Variants in PMS1 observed in about 807,000 individuals in gnomAD.
The protein encoded by PMS1 is PMS1 protein homolog 1.
PMS1 carries 79 observed loss-of-function variants against 93.1 expected under a neutral mutation model. That is an observed-to-expected ratio of 0.85 (90% CI 0.71 to 1.02). PMS1 has a LOEUF of 1.02. Ranked by LOEUF, PMS1 falls within the 50% of genes least tolerant of loss-of-function variation. The pLI is 0.00. For missense variants in PMS1, 1,064 were observed against 1,085.3 expected (o/e 0.98, Z 0.28); for synonymous variants, 335 against 363.4 (o/e 0.92, Z 0.89).
intron 5 of PMS1, among the ~76,000 whole-genome samples, chr2:189,832,905 G>C (rs1210730238): frequency 6.6e-6 from 1 of 151,920 alleles, no homozygotes; most frequent in Non-Finnish European, 1.5e-5. Flanking sequence ...ATTTTATTAT[G>C]TATTTTAAAT....
chr2:189,858,864 T>C (rs192574649), intron 9 of PMS1, among the ~76,000 whole-genome samples: 30 of 152,274 alleles, frequency 2.0e-4, no homozygotes, highest in African/African-American at 7.0e-4. Context: ...AACACTCTTA[T>C]TCAGGTAACA....
chr2:189,854,289 A>G lies in PMS1; in HGVS notation c.1017A>G (p.Pro339=), dbSNP rs569336571. ...LENLMTTCYG[P]LPSTNSYENN... is the part of the protein sequence containing the mutation. ...ATCTGATGACGACTTGTTATGGACC[A>G]TTACCTAGTACAAATTCTTATGAAA... is the stretch of plus-strand genomic sequence containing the variant. The change falls in exon 9 of 13, where the codon CCA becomes CCG. Residue 339 remains proline, a synonymous_variant. Coordinates refer to ENST00000441310, the MANE Select transcript of PMS1 (RefSeq NM_000534.5). The G allele has an allele frequency of 6.3e-7, 1 of 1,597,776 alleles. No homozygotes were observed. The highest frequency in any genetic ancestry group is 1.2e-5 in the South Asian group (1 of 86,908).
At chr2:189,827,774 A>G (rs1467099050) in intron 5 of PMS1, among the ~76,000 whole-genome samples, 1 of 152,178 alleles carries the variant, frequency 6.6e-6, no homozygotes, top group Non-Finnish European at 1.5e-5. Flanking sequence ...GATCTCACTT[A>G]TATGTGGAAT....
At position 189,852,606 on chromosome 2, in the gene PMS1, C is replaced by T. The variant is rs375506012; in HGVS notation, c.700-49C>T. 10 of 1,550,704 alleles carry T rather than the reference C, an allele frequency of 6.4e-6. No homozygotes were observed. The African/African-American group carries it at 1.4e-4, about 21-fold the overall frequency. On this transcript the variant is annotated intron_variant, in intron 6 of 12. Coordinates refer to ENST00000441310, the MANE Select transcript of PMS1 (RefSeq NM_000534.5). ...TTTCAAAGTGTTATATATAGCCAGA[C>T]CCGTGGAACTACATTGTTGACATTG...
At chr2:189,837,298 T>A (rs115831793) in intron 5 of PMS1, among the ~76,000 whole-genome samples, 2,469 of 152,042 alleles carry the variant, frequency 0.016, 57 homozygotes, top group African/African-American at 0.054. Context: ...GCTAATTTTT[T>A]ATTTTTTTTT....
At chr2:189,797,432 A>G (rs565368165) in intron 3 of PMS1, among the ~76,000 whole-genome samples, 1 of 152,024 alleles carries the variant, frequency 6.6e-6, no homozygotes, top group Non-Finnish European at 1.5e-5. Context: ...TGATCTCTTC[A>G]TTTCTGTTAT....
intron 6 of PMS1, among the ~76,000 whole-genome samples, chr2:189,852,255 A>G (rs896888658): frequency 8.5e-5 from 13 of 152,170 alleles, no homozygotes; most frequent in African/African-American, 3.1e-4. Context: ...ACTTCTTTAT[A>G]GGAAAAGATG....
chr2:189,861,388 A>G (rs1173274011), intron 9 of PMS1, among the ~76,000 whole-genome samples: 2 of 134,580 alleles, frequency 1.5e-5, no homozygotes, highest in African/African-American at 6.1e-5. Context: ...TTTCATCTTC[A>G]TTTTTGAAGG....
In PMS1 at chr2:189,836,125, C is replaced by T. The variant is rs181007019; in HGVS notation, c.583-7839C>T. 7.2e-4 allele frequency among the ~76,000 whole-genome samples: 109 copies of T among 152,254 alleles called. 2 individuals are homozygous for T. Among genetic ancestry groups the T allele is most frequent in the Non-Finnish European group, 2.4e-4 (16 of 68,016 alleles). On this transcript the variant is annotated intron_variant, in intron 5 of 12. Coordinates refer to ENST00000441310, the MANE Select transcript of PMS1 (RefSeq NM_000534.5). ...TTAACTATGCATCATCTGTGTGCAGCCTACATTTCTCTTTATCACAAATTG... is the reference window on the plus strand; with the variant it reads ...TTAACTATGCATCATCTGTGTGCAGTCTACATTTCTCTTTATCACAAATTG...
chr2:189,875,017 G>T (rs2057441576), intron 12 of PMS1, among the ~76,000 whole-genome samples: 1 of 151,136 alleles, frequency 6.6e-6, no homozygotes, highest in African/African-American at 2.4e-5. Flanking sequence ...TAAGTGTTAA[G>T]AAAAATGGGC....
chr2:189,868,644 A>T (rs751329168), intron 11 of PMS1, among the ~76,000 whole-genome samples: 8 of 152,208 alleles, frequency 5.3e-5, no homozygotes, highest in Admixed American at 1.3e-4. Flanking sequence ...TAAACTTGTC[A>T]TGCCCAAAGT....
intron 3 of PMS1, among the ~76,000 whole-genome samples, chr2:189,802,815 G>T (rs762247131): frequency 6.6e-6 from 1 of 152,266 alleles, no homozygotes; most frequent in Non-Finnish European, 1.5e-5. Flanking sequence ...ATTTTTTATA[G>T]CTGTGATGGA....
intron 5 of PMS1, among the ~76,000 whole-genome samples, chr2:189,835,937 T>G (rs1575196587): frequency 1.3e-5 from 2 of 148,658 alleles, no homozygotes; most frequent in African/African-American, 2.5e-5. Flanking sequence ...AATTCATTGG[T>G]GCTGCTTCTT....
chr2:189,809,850 C>T (rs1016677641), intron 4 of PMS1, among the ~76,000 whole-genome samples: 4 of 152,140 alleles, frequency 2.6e-5, no homozygotes, highest in African/African-American at 9.7e-5. Context: ...TGATAATTCT[C>T]ATTTTACTTT....
chr2:189,869,527 A>G (rs191999192), intron 11 of PMS1, among the ~76,000 whole-genome samples: 1 of 152,260 alleles, frequency 6.6e-6, no homozygotes, highest in African/African-American at 2.4e-5. Context: ...CATGAAAGAT[A>G]TTAAACAGGC....
intron 10 of PMS1, among the ~76,000 whole-genome samples, chr2:189,865,819 T>C (rs990555867): frequency 6.6e-6 from 1 of 152,066 alleles, no homozygotes; most frequent in African/African-American, 2.4e-5. Flanking sequence ...AAACCTGAAG[T>C]TTAAAAAGAT....
chr2:189,852,696 CTCTT>C lies in PMS1; in HGVS notation c.744_747del (p.Phe249LeufsTer13). ...TTCTTCCAAAGTGTGATGCAGACCA[CTCTT>C]TCACTAGTCTTTCAACACCAGAAAG... On this transcript the variant is annotated frameshift_variant, in exon 7 of 13. Coordinates refer to ENST00000441310, the MANE Select transcript of PMS1 (RefSeq NM_000534.5). LOFTEE classifies it high-confidence loss of function. The C allele has an allele frequency of 6.3e-7, 1 of 1,593,230 alleles. No individual in the cohort carries two copies. Among genetic ancestry groups the C allele is most frequent in the Non-Finnish European group, 8.6e-7 (1 of 1,161,338 alleles).
Position 189,861,747 on chromosome 2 carries a change from C to CA in PMS1, c.1857-1981dup, listed in dbSNP as rs60765447. ...CCTGGGAGACAGAGAGACTCTGTCT[C>CA]AAAAAAAAAAAAAAAGATTTCACTG... is the stretch of plus-strand genomic sequence containing the variant. On this transcript the variant is annotated intron_variant, in intron 9 of 12. Transcript: ENST00000441310. Among the ~76,000 whole-genome samples the CA allele has an allele frequency of 2.2e-3, 248 of 114,992 alleles. 1 individual carries two copies. Among genetic ancestry groups the CA allele is most frequent in the Middle Eastern group, 0.02 (4 of 196 alleles). 75.4% of individuals were successfully genotyped at this position (114,992 alleles called of 152,430 possible).
At chr2:189,858,642 G>A (rs958858567) in intron 9 of PMS1, among the ~76,000 whole-genome samples, 3 of 152,006 alleles carry the variant, frequency 2.0e-5, no homozygotes, top group Non-Finnish European at 4.4e-5. Flanking sequence ...CCACTGCACA[G>A]GAAAAATCTT....
Sources: allele counts gnomAD v4.1 joint callset (sites outside exome capture counted in the v4.1 genomes callset), GRCh38; gene constraint gnomAD v4.1.1; transcripts MANE v1.5; gene names NCBI Gene and HGNC (gene_info 2026-07-23, HGNC 2026-07-21).